The following CHRM3 variants were observed in gnomAD, a reference collection of about 807,000 sequenced individuals.
The protein encoded by CHRM3 is cholinergic receptor muscarinic 3, also known as muscarinic acetylcholine receptor M3.
Under a neutral mutation model 41.8 loss-of-function variants are expected in CHRM3, and 11 were observed. The observed-to-expected ratio is 0.26, with a 90% CI of 0.17 to 0.44. The LOEUF is 0.44. Among genes scored for constraint, CHRM3 ranks in the 20% least tolerant of loss-of-function variants. The pLI is 1.00. For missense variants in CHRM3, 571 were observed against 745.4 expected, an observed-to-expected ratio of 0.77 and a Z score of 2.72; for synonymous variants, 297 against 301.4, an observed-to-expected ratio of 0.99 and a Z score of 0.15.
At chr1:239,904,721 C>T (rs1679838701) in intron 6 of CHRM3, among the ~76,000 whole-genome samples, 1 of 152,112 alleles carries the variant, frequency 6.6e-6, no homozygotes, top group Non-Finnish European at 1.5e-5. Context: ...TGTCAATTTC[C>T]TATAATTGAA....
At chr1:239,900,305 C>T (rs1228584740) in intron 6 of CHRM3, among the ~76,000 whole-genome samples, 1 of 151,940 alleles carries the variant, frequency 6.6e-6, no homozygotes. Context: ...TACATATTAC[C>T]TATGAAATAA....
chr1:239,693,765 T>C (rs73109194), intron 5 of CHRM3, among the ~76,000 whole-genome samples: 7,775 of 152,094 alleles, frequency 0.051, 649 homozygotes, highest in African/African-American at 0.18. Flanking sequence ...CTTATTAGAG[T>C]GAAAAGACAC....
chr1:239,548,841 G>C (rs1268601679), intron 3 of CHRM3, among the ~76,000 whole-genome samples: 1 of 152,236 alleles, frequency 6.6e-6, no homozygotes, highest in Non-Finnish European at 1.5e-5. Flanking sequence ...GATTTAGAAT[G>C]TAATAAAAGG....
chr1:239,479,321 T>G (rs1486463756), intron 1 of CHRM3, among the ~76,000 whole-genome samples: 1 of 152,012 alleles, frequency 6.6e-6, no homozygotes, highest in Non-Finnish European at 1.5e-5. Flanking sequence ...GTATGCGTTA[T>G]AGTCGAAATG....
chr1:239,436,652 C>A (rs1663295034), intron 1 of CHRM3, among the ~76,000 whole-genome samples: 1 of 152,040 alleles, frequency 6.6e-6, no homozygotes, highest in African/African-American at 2.4e-5. Context: ...TTCTCACATT[C>A]ATTAATCATG....
chr1:239,711,548 A>G (rs1661789554), intron 5 of CHRM3, among the ~76,000 whole-genome samples: 1 of 152,040 alleles, frequency 6.6e-6, no homozygotes, highest in South Asian at 2.1e-4. Context: ...TAAGTTCATC[A>G]AGTTCCAGAG....
At chr1:239,505,860 G>A (rs1466693244) in intron 2 of CHRM3, among the ~76,000 whole-genome samples, 1 of 152,190 alleles carries the variant, frequency 6.6e-6, no homozygotes, top group African/African-American at 2.4e-5. Context: ...GTAAGTTCCA[G>A]GCTGAGTTGG....
At chr1:239,880,832 A>G (rs1677525442) in intron 6 of CHRM3, among the ~76,000 whole-genome samples, 1 of 152,146 alleles carries the variant, frequency 6.6e-6, no homozygotes, top group African/African-American at 2.4e-5. Context: ...AGAAGCAAGC[A>G]ACTAAAAGCA....
chr1:239,682,438 G>A (rs1658659309), intron 5 of CHRM3, among the ~76,000 whole-genome samples: 2 of 151,946 alleles, frequency 1.3e-5, no homozygotes, highest in Non-Finnish European at 2.9e-5. Context: ...TCAGAATAAA[G>A]GCAAATTAAA....
In CHRM3 at chr1:239,895,618, C is replaced by T. The variant is rs1317626167; in HGVS notation, c.-19-11815C>T. Among the ~76,000 whole-genome samples, 6 of 152,296 alleles carry T rather than the reference C, an allele frequency of 3.9e-5. No homozygotes were observed. In the East Asian group the frequency reaches 1.2e-3, roughly 29 times the overall value. On this transcript the variant is annotated intron_variant, in intron 6 of 6. Coordinates refer to ENST00000676153, the MANE Select transcript of CHRM3 (RefSeq NM_001375978.1). ...ATTTTTTTTAAATGTAGTACACATA[C>T]ACTGTGGAATACTATGCAGCCATAA...
chr1:239,388,871 T>A (rs1658772140), intron 1 of CHRM3, among the ~76,000 whole-genome samples: 1 of 152,226 alleles, frequency 6.6e-6, no homozygotes, highest in Admixed American at 6.5e-5. Flanking sequence ...TTTGTCTCAA[T>A]TAGCTTAATA....
At chr1:239,829,442 T>G (rs904690006) in intron 6 of CHRM3, among the ~76,000 whole-genome samples, 1 of 152,162 alleles carries the variant, frequency 6.6e-6, no homozygotes, top group African/African-American at 2.4e-5. Flanking sequence ...TTTAAATTTT[T>G]TATGTTGATT....
chr1:239,515,653 A>G (rs553556309), intron 2 of CHRM3, among the ~76,000 whole-genome samples: 2 of 152,320 alleles, frequency 1.3e-5, no homozygotes, highest in South Asian at 4.1e-4. Context: ...ATGAGAAGTG[A>G]CAATGCATTT....
intron 2 of CHRM3, among the ~76,000 whole-genome samples, chr1:239,497,789 A>G (rs1201756909): frequency 6.6e-6 from 1 of 152,196 alleles, no homozygotes; most frequent in African/African-American, 2.4e-5. Context: ...ATTATTTAAA[A>G]CAATTAAGAC....
intron 5 of CHRM3, among the ~76,000 whole-genome samples, chr1:239,771,925 A>G (rs1248002281): frequency 6.6e-6 from 1 of 152,236 alleles, no homozygotes; most frequent in Non-Finnish European, 1.5e-5. Context: ...AACTACAAAA[A>G]TATCCTCTAT....
intron 4 of CHRM3, among the ~76,000 whole-genome samples, chr1:239,648,866 A>C (rs1671988351): frequency 6.6e-6 from 1 of 152,172 alleles, no homozygotes; most frequent in South Asian, 2.1e-4. Context: ...AATGGACATG[A>C]CTGACACATG....
intron 1 of CHRM3, among the ~76,000 whole-genome samples, chr1:239,452,735 A>G (rs955810457): frequency 1.3e-5 from 2 of 152,226 alleles, no homozygotes; most frequent in African/African-American, 4.8e-5. Context: ...GAAAGCAGTG[A>G]AAGTTAAAAA....
chr1:239,553,209 G>A (rs1336803693), intron 3 of CHRM3, among the ~76,000 whole-genome samples: 1 of 152,000 alleles, frequency 6.6e-6, no homozygotes, highest in African/African-American at 2.4e-5. Context: ...CATAAATATG[G>A]AGGCATATAA....
At chr1:239,428,033 A>G (rs1170326256) in intron 1 of CHRM3, among the ~76,000 whole-genome samples, 1 of 152,162 alleles carries the variant, frequency 6.6e-6, no homozygotes. Flanking sequence ...TAACAGGAAG[A>G]TAGGGGTAGA....
Sources: allele counts gnomAD v4.1 joint callset (sites outside exome capture counted in the v4.1 genomes callset), GRCh38; gene constraint gnomAD v4.1.1; transcripts MANE v1.5; gene names NCBI Gene and HGNC (gene_info 2026-07-23, HGNC 2026-07-21).